Variants in ZSWIM6 observed in about 807,000 individuals in gnomAD.
ZSWIM6 encodes zinc finger SWIM-type containing 6.
In ZSWIM6, 9 loss-of-function variants were observed where a neutral mutation model predicts 113.2. That is an observed-to-expected ratio of 0.08 (90% CI 0.05 to 0.14). ZSWIM6 has a LOEUF of 0.14. Ranked by LOEUF, ZSWIM6 falls within the 10% of genes least tolerant of loss-of-function variation. The pLI is 1.00. For missense variants in ZSWIM6, 1,162 were observed against 1,552.2 expected (o/e 0.75, Z 4.22); for synonymous variants, 611 against 606.5 (o/e 1.01, Z -0.11).
chr5:61,424,511 C>T (rs1746424095), intron 1 of ZSWIM6, among the ~76,000 whole-genome samples: 1 of 152,174 alleles, frequency 6.6e-6, no homozygotes, highest in Non-Finnish European at 1.5e-5. Flanking sequence ...TCCTCAGGCA[C>T]TTCAAGGTCC....
chr5:61,357,475 G>C (rs916486615), intron 1 of ZSWIM6, among the ~76,000 whole-genome samples: 1 of 151,834 alleles, frequency 6.6e-6, no homozygotes, highest in African/African-American at 2.4e-5. Flanking sequence ...CTAAAGAAGA[G>C]ATGGAAGGAG....
chr5:61,392,310 A>G (rs946107520), intron 1 of ZSWIM6, among the ~76,000 whole-genome samples: 3 of 152,208 alleles, frequency 2.0e-5, no homozygotes, highest in Non-Finnish European at 4.4e-5. Flanking sequence ...TTTCTCCTGT[A>G]TCTTTTATCC....
At position 61,530,035 on chromosome 5, in the gene ZSWIM6, T is replaced by A. The variant is rs1209174734; in HGVS notation, c.1838-17T>A. 1 of 1,534,324 alleles carries A rather than the reference T, an allele frequency of 6.5e-7. No individual in the cohort carries two copies. Among genetic ancestry groups the A allele is most frequent in the African/African-American group, 1.4e-5 (1 of 72,532 alleles). On this transcript the variant is annotated splice_polypyrimidine_tract_variant and intron_variant, in intron 7 of 13. Coordinates refer to ENST00000252744, the MANE Select transcript of ZSWIM6 (RefSeq NM_020928.2). The stretch of plus-strand genomic sequence containing the variant: ...CCCTTCTACTCCCCCATTTCTCAAT[T>A]CCCTTTCCTTACACAGAGCTACCCC...
Position 61,472,530 on chromosome 5 carries a change from G to T in ZSWIM6, c.677-151G>T. On this transcript the variant is annotated intron_variant, in intron 1 of 13. Transcript: ENST00000252744. This position sits in a 1 kb window ranked among gnomAD's most constrained non-coding sequence, Gnocchi z 4.1. ...TTACCTGTAAGGGGGTGGTGGTAGT[G>T]GTTAGTGGCCTGAATGTTTTTACTT... 1 of 562,434 alleles carries T rather than the reference G, an allele frequency of 1.8e-6. No individual in the cohort carries two copies. Among genetic ancestry groups the T allele is most frequent in the Non-Finnish European group, 3.1e-6 (1 of 322,376 alleles). 34.8% of individuals were successfully genotyped at this position (562,434 alleles called of 1,614,324 possible).
At chr5:61,423,816 CT>C (rs1746404929) in intron 1 of ZSWIM6, among the ~76,000 whole-genome samples, 1 of 152,180 alleles carries the variant, frequency 6.6e-6, no homozygotes, top group African/African-American at 2.4e-5. Context: ...GAAAGTTCAG[CT>C]TTTCCTTTTC....
intron 1 of ZSWIM6, among the ~76,000 whole-genome samples, chr5:61,440,097 T>C (rs1023141396): frequency 6.6e-6 from 1 of 152,044 alleles, no homozygotes; most frequent in African/African-American, 2.4e-5. Context: ...ACCACAGTTT[T>C]GTTTAGTGCT....
Position 61,463,339 on chromosome 5 carries a change from A to G in ZSWIM6, c.677-9342A>G, listed in dbSNP as rs564373630. Among the ~76,000 whole-genome samples the G allele has an allele frequency of 3.9e-5, 6 of 152,322 alleles. No individual in the cohort carries two copies. The South Asian group carries it at 8.3e-4, about 21-fold the overall frequency. On this transcript the variant is annotated intron_variant, in intron 1 of 13. Transcript: ENST00000252744. ...GTATATATTTTTAATATCATGAGTT[A>G]TACATTCTTCACTGTTCCATTTACT...
chr5:61,390,099 T>TCTGC (rs1745672587), intron 1 of ZSWIM6, among the ~76,000 whole-genome samples: 2 of 152,246 alleles, frequency 1.3e-5, no homozygotes, highest in Non-Finnish European at 2.9e-5. Flanking sequence ...TGCCTGCCTA[T>TCTGC]CTGCCTGCCA....
intron 1 of ZSWIM6, among the ~76,000 whole-genome samples, chr5:61,346,937 A>G (rs925316328): frequency 3.9e-5 from 6 of 152,216 alleles, no homozygotes; most frequent in African/African-American, 1.2e-4. Flanking sequence ...TTTAAAATGG[A>G]TGAATTTTTT....
intron 1 of ZSWIM6, among the ~76,000 whole-genome samples, chr5:61,373,276 A>C (rs914295819): frequency 1.3e-5 from 2 of 151,810 alleles, no homozygotes; most frequent in African/African-American, 4.8e-5. Flanking sequence ...TGATTTATTG[A>C]AGCTTTGCTA....
intron 1 of ZSWIM6, among the ~76,000 whole-genome samples, chr5:61,404,707 C>G (rs1561224632): frequency 6.6e-6 from 1 of 152,204 alleles, no homozygotes; most frequent in Non-Finnish European, 1.5e-5. Flanking sequence ...CTTTAGCCTT[C>G]TTGCTCCTTT....
chr5:61,354,702 G>C (rs958194305), intron 1 of ZSWIM6, among the ~76,000 whole-genome samples: 19 of 151,916 alleles, frequency 1.3e-4, no homozygotes, highest in Admixed American at 5.2e-4. Context: ...TTTCTTTAGG[G>C]TCTAATTTAA....
At chr5:61,424,727 C>A (rs74946542) in intron 1 of ZSWIM6, among the ~76,000 whole-genome samples, 12 of 134,744 alleles carry the variant, frequency 8.9e-5, no homozygotes, top group African/African-American at 3.2e-4. Flanking sequence ...AATCTTGGCT[C>A]TTTTTTTTTT....
At chr5:61,469,833 G>C (rs13166934) in intron 1 of ZSWIM6, among the ~76,000 whole-genome samples, 5 of 151,744 alleles carry the variant, frequency 3.3e-5, no homozygotes, top group African/African-American at 9.7e-5. Flanking sequence ...TCAGCTCCCC[G>C]AGTAGCTGGG....
rs1309941967 is a variant in ZSWIM6, at chr5:61,332,264, G to A, written c.-9G>A. On this transcript the variant is annotated 5_prime_UTR_variant, in exon 1 of 14. Transcript: ENST00000252744. ...GCACTTCCGCTGTCGGGTTAGAAGC[G>A]GCGCGGTCATGGCGGAGCGCGGACA... is the stretch of plus-strand genomic sequence containing the variant. 2.5e-5 allele frequency: 29 copies of A among 1,166,788 alleles called. No individual in the cohort carries two copies. The highest frequency in any genetic ancestry group is 3.1e-5 in the Non-Finnish European group (29 of 944,166). The allele number at this position is 1,166,788 out of a possible 1,614,324, so 72.3% of individuals were successfully genotyped here.
intron 1 of ZSWIM6, among the ~76,000 whole-genome samples, chr5:61,454,425 T>C (rs938533656): frequency 6.6e-6 from 1 of 151,748 alleles, no homozygotes; most frequent in Non-Finnish European, 1.5e-5. Flanking sequence ...CCAACTAATT[T>C]TTAAATTTTT....
intron 1 of ZSWIM6, among the ~76,000 whole-genome samples, chr5:61,388,242 C>G (rs1018683614): frequency 6.6e-6 from 1 of 152,074 alleles, no homozygotes; most frequent in African/African-American, 2.4e-5. Flanking sequence ...CTCAGCCTCA[C>G]AAAGTGCTGG....
At chr5:61,338,457 T>C (rs978650337) in intron 1 of ZSWIM6, among the ~76,000 whole-genome samples, 2 of 152,214 alleles carry the variant, frequency 1.3e-5, no homozygotes, top group Non-Finnish European at 2.9e-5. Context: ...TTGAAACCAG[T>C]TGCATAGGTA....
At chr5:61,424,004 G>T (rs1746409666) in intron 1 of ZSWIM6, among the ~76,000 whole-genome samples, 2 of 152,134 alleles carry the variant, frequency 1.3e-5, no homozygotes, top group African/African-American at 2.4e-5. Context: ...CCAGCAATTT[G>T]TGCCTTGATC....
Sources: allele counts gnomAD v4.1 joint callset (sites outside exome capture counted in the v4.1 genomes callset), GRCh38; gene constraint gnomAD v4.1.1; non-coding constraint Gnocchi (gnomAD v3.1); transcripts MANE v1.5; gene names NCBI Gene and HGNC (gene_info 2026-07-23, HGNC 2026-07-21).